Variants in CCDC134 observed in about 807,000 individuals in gnomAD.
CCDC134 encodes coiled-coil domain-containing protein 134.
Under a neutral mutation model 25.6 loss-of-function variants are expected in CCDC134, and 27 were observed. The ratio of observed to expected loss-of-function variants is 1.05; its 90% CI spans 0.78 to 1.45. The LOEUF (loss-of-function observed/expected upper bound fraction) is 1.45. Among genes scored for constraint, CCDC134 ranks in the 40% most tolerant of loss-of-function variants. The pLI is 0.00. For missense variants in CCDC134, 261 were observed against 286.7 expected, an observed-to-expected ratio of 0.91 and a Z score of 0.65; for synonymous variants, 110 against 115.0, an observed-to-expected ratio of 0.96 and a Z score of 0.28.
chr22:41,813,199 C>A, intron 4 of CCDC134, 65 bp from the exon 5 acceptor site: 3 of 1,535,916 alleles, frequency 2.0e-6, no homozygotes, highest in Non-Finnish European at 2.7e-6. Flanking sequence ...CTAGAGGATG[C>A]CAGGGGCCAG....
intron 1 of CCDC134, among the ~76,000 whole-genome samples, chr22:41,807,504 A>G (rs1026686282): frequency 6.6e-6 from 1 of 151,260 alleles, no homozygotes; most frequent in African/African-American, 2.4e-5. Context: ...GGAGGCTGCA[A>G]TGAGCCATGA....
chr22:41,822,558 C>T (rs2076657211), intron 6 of CCDC134, among the ~76,000 whole-genome samples: 1 of 152,216 alleles, frequency 6.6e-6, no homozygotes, highest in Non-Finnish European at 1.5e-5. Context: ...TGACTAGGCA[C>T]TGCCAGGCCT....
chr22:41,823,369 C>T (rs111777075), intron 6 of CCDC134, among the ~76,000 whole-genome samples: 2 of 151,876 alleles, frequency 1.3e-5, no homozygotes, highest in Admixed American at 6.6e-5. Context: ...GGAATACAGG[C>T]GCCCATCACC....
At chr22:41,822,594 A>T (rs898865769) in intron 6 of CCDC134, among the ~76,000 whole-genome samples, 4 of 152,114 alleles carry the variant, frequency 2.6e-5, no homozygotes, top group African/African-American at 9.7e-5. Context: ...CAGGGAAAGG[A>T]TGGGTGTGTT....
chr22:41,807,741 G>T (rs567646660), intron 1 of CCDC134, among the ~76,000 whole-genome samples: 2 of 152,306 alleles, frequency 1.3e-5, no homozygotes, highest in South Asian at 4.2e-4. Context: ...AATTGTGTTG[G>T]CTGGGCATAG....
Position 41,827,378 on chromosome 22 carries a change from C to T in CCDC134, c.*1555C>T, listed in dbSNP as rs958333317. On this transcript the variant is annotated 3_prime_UTR_variant, in exon 7 of 7. Coordinates refer to ENST00000255784, the MANE Select transcript of CCDC134 (RefSeq NM_024821.5). The stretch of plus-strand genomic sequence containing the variant: ...TTGTGTGACCCCAGCCACATGGACA[C>T]CCGAGTCTGTGAACTAAAGGGCTGG... 1.3e-5 allele frequency among the ~76,000 whole-genome samples: 2 copies of T among 152,190 alleles called. No individual in the cohort carries two copies. Among genetic ancestry groups the T allele is most frequent in the Admixed American group, 1.3e-4 (2 of 15,284 alleles).
In CCDC134 at chr22:41,830,379, T is replaced by G. The variant is rs762723548; in HGVS notation, c.*4556T>G. Among the ~76,000 whole-genome samples, 9 of 152,168 alleles carry G rather than the reference T, an allele frequency of 5.9e-5. No homozygotes were observed. Among genetic ancestry groups the G allele is most frequent in the Non-Finnish European group, 1.2e-4 (8 of 68,024 alleles). ...ATGGGAGCAGGTGCTGTGTGCCACC[T>G]CTGGAGGGGGTCACTGAGGTTCTGG... is the stretch of plus-strand genomic sequence containing the variant. On this transcript the variant is annotated 3_prime_UTR_variant, in exon 7 of 7. Transcript: ENST00000255784.
At chr22:41,812,636 G>A (rs2076602670) in intron 4 of CCDC134, among the ~76,000 whole-genome samples, 1 of 151,682 alleles carries the variant, frequency 6.6e-6, no homozygotes, top group Non-Finnish European at 1.5e-5. Flanking sequence ...CACCTCTAAA[G>A]TAATTAATTA....
intron 1 of CCDC134, among the ~76,000 whole-genome samples, chr22:41,806,223 T>C (rs987535877): frequency 6.8e-6 from 1 of 147,658 alleles, no homozygotes; most frequent in African/African-American, 2.5e-5. Context: ...AATTTTTTTT[T>C]TTTTTTTTTT....
intron 4 of CCDC134, 56 bp downstream of exon 4, chr22:41,810,347 C>T: frequency 6.8e-7 from 1 of 1,460,958 alleles, no homozygotes; most frequent in Non-Finnish European, 9.5e-7. Context: ...TCTCTAGCTG[C>T]TCCTTCTCTC....
intron 6 of CCDC134, among the ~76,000 whole-genome samples, chr22:41,817,770 A>AT (rs2076629901): frequency 1.3e-5 from 2 of 151,672 alleles, no homozygotes; most frequent in Admixed American, 1.3e-4. Context: ...AAATAAATAA[A>AT]AAGAGAGGGG....
Position 41,813,758 on chromosome 22 carries a change from A to G in CCDC134, c.500A>G (p.Gln167Arg). Residue 167 changes from glutamine to arginine, a missense_variant, in exon 6 of 7, where the codon CAG becomes CGG. Coordinates refer to ENST00000255784, the MANE Select transcript of CCDC134 (RefSeq NM_024821.5). ...GTGTTTCTTCATCTGCAGATGGCCC[A>G]GGAGCTGGGGATCAGTGAGAAAGAC... ...PHSPILSLMA[Q>R]ELGISEKDSN... 1 of 1,614,056 alleles carries G rather than the reference A, an allele frequency of 6.2e-7. No homozygotes were observed. Among genetic ancestry groups the G allele is most frequent in the Non-Finnish European group, 8.5e-7 (1 of 1,179,910 alleles).
chr22:41,818,200 G>A (rs954391808), intron 6 of CCDC134, among the ~76,000 whole-genome samples: 1 of 152,204 alleles, frequency 6.6e-6, no homozygotes, highest in East Asian at 1.9e-4. Context: ...CAAACAGGAT[G>A]TGCTTCATTC....
chr22:41,823,348 C>T (rs1210724113), intron 6 of CCDC134, among the ~76,000 whole-genome samples: 1 of 151,638 alleles, frequency 6.6e-6, no homozygotes, highest in African/African-American at 2.4e-5. Context: ...TCTCAGCCTC[C>T]AAAGTAGCCG....
chr22:41,806,983 G>T (rs1222325395), intron 1 of CCDC134, among the ~76,000 whole-genome samples: 2 of 152,148 alleles, frequency 1.3e-5, no homozygotes, highest in African/African-American at 4.8e-5. Flanking sequence ...AGGAAGCGGA[G>T]GTTGCAGTGA....
chr22:41,817,602 C>G (rs2076628869), intron 6 of CCDC134, among the ~76,000 whole-genome samples: 1 of 151,970 alleles, frequency 6.6e-6, no homozygotes, highest in African/African-American at 2.4e-5. Context: ...CGAGGTGACG[C>G]ATGCCTGTAG....
chr22:41,818,807 A>C (rs2076634754), intron 6 of CCDC134, among the ~76,000 whole-genome samples: 1 of 152,264 alleles, frequency 6.6e-6, no homozygotes, highest in Admixed American at 6.5e-5. Flanking sequence ...TTTATGCAGC[A>C]AGAAAACATG....
chr22:41,815,839 A>G (rs1433545845), intron 6 of CCDC134, among the ~76,000 whole-genome samples: 1 of 151,948 alleles, frequency 6.6e-6, no homozygotes, highest in Non-Finnish European at 1.5e-5. Context: ...TTTCAGAGAC[A>G]GGTTCTTGCT....
chr22:41,808,896 C>T lies in CCDC134; in HGVS notation c.6C>T (p.Asp2=), dbSNP rs746089616. 2.5e-6 allele frequency: 4 copies of T among 1,613,826 alleles called. No homozygotes were observed. The highest frequency in any genetic ancestry group is 3.4e-6 in the Non-Finnish European group (4 of 1,179,784). Residue 2 remains aspartate, a synonymous_variant, in exon 2 of 7, where the codon GAC becomes GAT. Coordinates refer to ENST00000255784, the MANE Select transcript of CCDC134 (RefSeq NM_024821.5). The part of the protein sequence containing the change: M[D]LLQFLAFLFV... ...CCAGCTCAAGAGGTTTGGATATGGA[C>T]CTTCTTCAATTCCTGGCCTTCCTCT...
Sources: gnomAD v4.1 joint callset for allele counts (sites outside exome capture counted in the v4.1 genomes callset) on GRCh38, gnomAD v4.1.1 for gene constraint, MANE v1.5 for transcripts, NCBI Gene and HGNC (gene_info 2026-07-23, HGNC 2026-07-21) for gene names.